Variants in WNK1 observed in about 807,000 individuals in gnomAD.
WNK1 encodes serine/threonine-protein kinase WNK1.
WNK1 carries 38 observed loss-of-function variants against 222.8 expected under a neutral mutation model. The observed-to-expected ratio is 0.17, with a 90% CI of 0.13 to 0.22. The LOEUF (loss-of-function observed/expected upper bound fraction) is 0.22. WNK1 is among the 10% of genes least tolerant of loss of function. The pLI is 1.00. For missense variants in WNK1, 2,348 were observed against 2,918.4 expected (o/e 0.80, Z 4.50); for synonymous variants, 1,090 against 1,092.9 (o/e 1.00, Z 0.05).
intron 1 of WNK1, among the ~76,000 whole-genome samples, chr12:774,343 C>T (rs1439500120): frequency 6.6e-6 from 1 of 152,178 alleles, no homozygotes; most frequent in Non-Finnish European, 1.5e-5. Flanking sequence ...ACCTCTCAAA[C>T]TCCATTCTCA....
intron 22 of WNK1, among the ~76,000 whole-genome samples, chr12:893,113 C>T (rs939756304): frequency 1.3e-5 from 2 of 151,904 alleles, no homozygotes; most frequent in Admixed American, 6.6e-5. Context: ...AAAAATTAGC[C>T]GGATGTGGTG....
chr12:846,320 A>G (rs1021066811), intron 4 of WNK1, among the ~76,000 whole-genome samples: 25 of 152,196 alleles, frequency 1.6e-4, no homozygotes, highest in African/African-American at 5.8e-4. Context: ...GATCCAAGTA[A>G]AAGTAGGAAT....
At chr12:907,667 A>G (rs1287682751) in intron 26 of WNK1, 180 bp from the exon 27 acceptor site, 16 of 748,492 alleles carry the variant, frequency 2.1e-5, no homozygotes, top group African/African-American at 5.2e-5. Flanking sequence ...TGTTTTCATC[A>G]CCCTATTATA....
At chr12:904,778 T>C (rs746078187) in intron 26 of WNK1, among the ~76,000 whole-genome samples, 69 of 152,180 alleles carry the variant, frequency 4.5e-4, no homozygotes, top group Non-Finnish European at 5.6e-4. Context: ...AGCGATCCTT[T>C]GGTCAGCAAA....
intron 9 of WNK1, among the ~76,000 whole-genome samples, chr12:876,855 T>TA (rs774792443): frequency 9.2e-5 from 14 of 152,120 alleles, no homozygotes; most frequent in Non-Finnish European, 1.8e-4. Context: ...AATGGCCACT[T>TA]ACGCATAGAA....
intron 1 of WNK1, among the ~76,000 whole-genome samples, chr12:762,268 C>G (rs1941124387): frequency 6.8e-6 from 1 of 146,342 alleles, no homozygotes; most frequent in Admixed American, 6.8e-5. Context: ...TCACGTTGGC[C>G]AGGCTGGTCT....
intron 1 of WNK1, among the ~76,000 whole-genome samples, chr12:802,491 C>T (rs1253322833): frequency 6.6e-6 from 1 of 152,082 alleles, no homozygotes; most frequent in Non-Finnish European, 1.5e-5. Context: ...GAGGATCTAT[C>T]CTTGTTCAGT....
In WNK1 at chr12:884,773, T is replaced by C; in HGVS notation, c.3969T>C (p.Pro1323=). ...AQMTEGPNTA[P]PNFSHTGPTF... ...TGACAGAAGGACCCAACACAGCACC[T>C]CCAAACTTTAGTCATACAGGACCAA... Residue 1323 remains proline (P), a synonymous_variant, in exon 19 of 28, where the codon CCT becomes CCC. Coordinates refer to ENST00000315939, the MANE Select transcript of WNK1 (RefSeq NM_018979.4). This position sits in a 1 kb window ranked among gnomAD's most constrained non-coding sequence, Gnocchi z 5.6. The C allele has an allele frequency of 6.2e-7, 1 of 1,614,078 alleles. No homozygotes were observed. The highest frequency in any genetic ancestry group is 8.5e-7 in the Non-Finnish European group (1 of 1,179,998).
At position 871,261 on chromosome 12, in the gene WNK1, T is replaced by C. The variant is rs1404021624; in HGVS notation, c.2140-4T>C. 5 of 1,614,034 alleles carry C rather than the reference T, an allele frequency of 3.1e-6. No homozygotes were observed. Among genetic ancestry groups the C allele is most frequent in the Non-Finnish European group, 4.2e-6 (5 of 1,180,004 alleles). ...AATTTGTTGTGTTCACTTCTTTCCT[T>C]CAGGCACAGGGGCAGAGCCAGGGTC... On this transcript the variant is annotated splice_polypyrimidine_tract_variant and splice_region_variant and intron_variant, in intron 8 of 27. Transcript: ENST00000315939.
At chr12:869,569 TTAA>T (rs1487433900) in intron 8 of WNK1, among the ~76,000 whole-genome samples, 1 of 152,088 alleles carries the variant, frequency 6.6e-6, no homozygotes, top group African/African-American at 2.4e-5. Flanking sequence ...TGAGGTAATA[TTAA>T]TAATACACAG....
intron 4 of WNK1, among the ~76,000 whole-genome samples, chr12:853,115 A>G (rs1039714419): frequency 2.2e-4 from 34 of 152,128 alleles, no homozygotes; most frequent in African/African-American, 8.2e-4. Context: ...TTATTGGCTA[A>G]CTTGGCACCT....
Position 778,586 on chromosome 12 carries a change from C to G in WNK1, c.759+24262C>G, listed in dbSNP as rs566446661. 6.6e-5 allele frequency among the ~76,000 whole-genome samples: 10 copies of G among 151,752 alleles called. No homozygotes were observed. In the East Asian group the frequency reaches 1.5e-3, roughly 23 times the overall value. ...CCTCAACTGATCCACCTGCCTCAGCCTGCCAAAGTGCTGGGATTACAGGTG... is the reference window on the plus strand; with the variant it reads ...CCTCAACTGATCCACCTGCCTCAGCGTGCCAAAGTGCTGGGATTACAGGTG... On this transcript the variant is annotated intron_variant, in intron 1 of 27. Coordinates refer to ENST00000315939, the MANE Select transcript of WNK1 (RefSeq NM_018979.4).
Position 911,359 on chromosome 12 carries a change from G to T in WNK1, c.*2567G>T. On this transcript the variant is annotated 3_prime_UTR_variant, in exon 28 of 28. Coordinates refer to ENST00000315939, the MANE Select transcript of WNK1 (RefSeq NM_018979.4). ...ATTTTGCACTAACTCTGGGTGTTGC[G>T]CTTCTTGTAAGATTGCGCTTTGTGC... 2.5e-6 allele frequency: 1 copy of T among 398,576 alleles called. No homozygotes were observed. The highest frequency in any genetic ancestry group is 4.4e-6 in the Non-Finnish European group (1 of 226,042). The allele number at this position is 398,576 out of a possible 1,614,324, so 24.7% of individuals were successfully genotyped here. A position where few individuals can be genotyped will look rare whatever the true frequency, so the allele number is the denominator to read the frequency against.
chr12:879,491 A>C, intron 10 of WNK1, 82 bp from the exon 11 acceptor site: 1 of 924,834 alleles, frequency 1.1e-6, no homozygotes, highest in Non-Finnish European at 1.5e-6. Context: ...CTAATACATA[A>C]ATCTTGCTTT....
At chr12:882,387 C>T (rs11064582) in intron 14 of WNK1, among the ~76,000 whole-genome samples, 1 of 151,786 alleles carries the variant, frequency 6.6e-6, no homozygotes, top group African/African-American at 2.4e-5. Flanking sequence ...TTAGTAGAGA[C>T]AGGGTTTCAC....
At chr12:901,456 C>A (rs892108199) in intron 26 of WNK1, 32 of 632,356 alleles carry the variant, frequency 5.1e-5, no homozygotes, top group Non-Finnish European at 6.9e-5. Context: ...TTCTGTGTGC[C>A]ATCTTAGTGC....
Position 754,297 on chromosome 12 carries a change from C to A in WNK1, c.732C>A (p.Thr244=), listed in dbSNP as rs1939629432. 6.2e-7 allele frequency: 1 copy of A among 1,613,520 alleles called. No individual in the cohort carries two copies. The highest frequency in any genetic ancestry group is 8.5e-7 in the Non-Finnish European group (1 of 1,180,030). ...ACAAAGGTCTGGACACTGAAACCAC[C>A]GTGGAAGTCGCCTGGTGTGAACTGC... ...TVYKGLDTET[T]VEVAWCELQD... The change falls in exon 1 of 28, where the codon ACC becomes ACA. Residue 244 remains threonine (T), a synonymous_variant. Transcript: ENST00000315939.
chr12:783,936 T>G (rs112535195), intron 1 of WNK1, among the ~76,000 whole-genome samples: 1,192 of 64,128 alleles, frequency 0.019, 2 homozygotes, highest in Middle Eastern at 0.036. Context: ...AAAAAAAAAA[T>G]TATCCAGGCA....
chr12:844,273 C>T (rs1376292083), intron 4 of WNK1, among the ~76,000 whole-genome samples: 1 of 151,926 alleles, frequency 6.6e-6, no homozygotes, highest in African/African-American at 2.4e-5. Context: ...CTGGGAGGGA[C>T]AATAGGCATG....
Sources: gnomAD v4.1 joint callset for allele counts (sites outside exome capture counted in the v4.1 genomes callset) on GRCh38, gnomAD v4.1.1 for gene constraint, Gnocchi (gnomAD v3.1) non-coding constraint, MANE v1.5 for transcripts, NCBI Gene and HGNC (gene_info 2026-07-23, HGNC 2026-07-21) for gene names.